Variants in XKR6 observed in about 807,000 individuals in gnomAD.
XKR6 encodes XK related 6.
XKR6 carries 22 observed loss-of-function variants against 56.7 expected under a neutral mutation model. The observed-to-expected ratio is 0.39, with a 90% CI of 0.28 to 0.55. The LOEUF is 0.55. Among genes scored for constraint, XKR6 ranks in the 20% least tolerant of loss-of-function variants. The probability of loss-of-function intolerance (pLI) is 0.66; values close to 1 mark genes in which losing one functional copy is unlikely to be tolerated. For missense variants in XKR6, 852 were observed against 889.0 expected (o/e 0.96, Z 0.53); for synonymous variants, 524 against 387.8 (o/e 1.35, Z -4.13).
At chr8:11,006,992 T>A (rs1471084175) in intron 1 of XKR6, among the ~76,000 whole-genome samples, 1 of 152,194 alleles carries the variant, frequency 6.6e-6, no homozygotes, top group East Asian at 1.9e-4. Context: ...GGGACAGACA[T>A]AAGACCAAAT....
intron 1 of XKR6, among the ~76,000 whole-genome samples, chr8:11,154,643 TCA>T (rs1315627324): frequency 2.0e-5 from 3 of 152,222 alleles, no homozygotes; most frequent in Non-Finnish European, 2.9e-5. Flanking sequence ...ACCTCACAAC[TCA>T]CAGTTTGGCT....
At chr8:10,972,271 G>A (rs1044049494) in intron 1 of XKR6, among the ~76,000 whole-genome samples, 1 of 152,204 alleles carries the variant, frequency 6.6e-6, no homozygotes, top group African/African-American at 2.4e-5. Flanking sequence ...GAAATTCGGG[G>A]TTTGATGTCA....
At chr8:11,100,181 T>C (rs1798418407) in intron 1 of XKR6, among the ~76,000 whole-genome samples, 1 of 152,140 alleles carries the variant, frequency 6.6e-6, no homozygotes, top group Non-Finnish European at 1.5e-5. Context: ...GCCTCCCAAG[T>C]AGCTGGGACT....
chr8:10,912,683 G>C lies in XKR6; in HGVS notation c.961+11951C>G, dbSNP rs1800434689. Among the ~76,000 whole-genome samples the C allele has an allele frequency of 2.3e-5, 3 of 130,400 alleles. No homozygotes were observed. In the South Asian group the frequency reaches 7.3e-4, roughly 32 times the overall value. 85.5% of individuals were successfully genotyped at this position (130,400 alleles called of 152,430 possible). ...GTGTGTCTATATATATAGAGAGGGT[G>C]AGTGTATATATATATATATATATAC... is the stretch of plus-strand genomic sequence containing the variant. On this transcript the variant is annotated intron_variant, in intron 2 of 2. Coordinates refer to ENST00000416569, the MANE Select transcript of XKR6 (RefSeq NM_173683.4).
intron 1 of XKR6, among the ~76,000 whole-genome samples, chr8:11,013,537 A>G (rs6990395): frequency 0.27 from 40,865 of 152,108 alleles, 6,278 homozygotes; most frequent in Middle Eastern, 0.38. Flanking sequence ...CTGTCTTTGT[A>G]CCAGCAATTT....
rs58774414 is a variant in XKR6, at chr8:10,984,732, C to CTATATATATATA, written c.765-59914_765-59903dup. On this transcript the variant is annotated intron_variant, in intron 1 of 2. Transcript: ENST00000416569. ...TCTCTCTCTCTCTCTCTCTCTCTCT[C>CTATATATATATA]TATATATATATATATATATATATAT... Among the ~76,000 whole-genome samples the CTATATATATATA allele has an allele frequency of 8.1e-3, 386 of 47,394 alleles. 14 individuals are homozygous for CTATATATATATA. Among genetic ancestry groups the CTATATATATATA allele is most frequent in the African/African-American group, 0.016 (178 of 11,064 alleles). 31.1% of individuals were successfully genotyped at this position (47,394 alleles called of 152,430 possible).
At chr8:11,195,339 A>G (rs1420705835) in intron 1 of XKR6, 3 of 593,074 alleles carry the variant, frequency 5.1e-6, no homozygotes, top group African/African-American at 1.9e-5. Context: ...TTTTTTTTCC[A>G]AATGGATAGT....
intron 1 of XKR6, among the ~76,000 whole-genome samples, chr8:11,099,402 C>T (rs1798383125): frequency 6.6e-6 from 1 of 152,216 alleles, no homozygotes; most frequent in South Asian, 2.1e-4. Flanking sequence ...AGTCAACCTC[C>T]AACTGGGGGA....
At chr8:10,948,173 C>T (rs1390027962) in intron 1 of XKR6, among the ~76,000 whole-genome samples, 4 of 152,172 alleles carry the variant, frequency 2.6e-5, no homozygotes, top group Admixed American at 6.5e-5. Context: ...ATCCCAGCTA[C>T]GGGTGAAGAG....
chr8:11,169,476 T>A (rs1049873642), intron 1 of XKR6, among the ~76,000 whole-genome samples: 1 of 152,192 alleles, frequency 6.6e-6, no homozygotes, highest in African/African-American at 2.4e-5. Context: ...AAAACTCTGA[T>A]ATATGTTAGA....
chr8:11,051,384 A>G (rs1015920004), intron 1 of XKR6, among the ~76,000 whole-genome samples: 1 of 152,084 alleles, frequency 6.6e-6, no homozygotes, highest in Admixed American at 6.5e-5. Flanking sequence ...TGACTCCCAA[A>G]GTGACATCTC....
At chr8:10,949,652 C>T (rs1801660034) in intron 1 of XKR6, among the ~76,000 whole-genome samples, 1 of 152,248 alleles carries the variant, frequency 6.6e-6, no homozygotes, top group African/African-American at 2.4e-5. Context: ...CTATTGTTAT[C>T]CCCATTTTAT....
At chr8:11,118,833 T>C (rs1799303757) in intron 1 of XKR6, among the ~76,000 whole-genome samples, 1 of 152,226 alleles carries the variant, frequency 6.6e-6, no homozygotes, top group Non-Finnish European at 1.5e-5. Context: ...ATCTTAGTTA[T>C]TTCTTGCCTT....
chr8:11,072,189 C>T (rs920428202), intron 1 of XKR6, among the ~76,000 whole-genome samples: 1 of 152,150 alleles, frequency 6.6e-6, no homozygotes, highest in African/African-American at 2.4e-5. Flanking sequence ...CACCCCCTCT[C>T]TGTTTTGATA....
chr8:11,160,735 C>T (rs1293368031), intron 1 of XKR6, among the ~76,000 whole-genome samples: 1 of 151,882 alleles, frequency 6.6e-6, no homozygotes, highest in Non-Finnish European at 1.5e-5. Flanking sequence ...GGCTGAAACC[C>T]CGTCTCTACT....
intron 1 of XKR6, among the ~76,000 whole-genome samples, chr8:11,092,454 C>G (rs1171147637): frequency 6.6e-6 from 1 of 152,174 alleles, no homozygotes; most frequent in Non-Finnish European, 1.5e-5. Context: ...ACCTGAGACT[C>G]CCCTCTAGGT....
At chr8:11,027,277 A>G (rs1317380893) in intron 1 of XKR6, among the ~76,000 whole-genome samples, 1 of 152,232 alleles carries the variant, frequency 6.6e-6, no homozygotes. Context: ...GCAGTCCACC[A>G]TTGACTGAAA....
At chr8:11,187,938 C>T (rs556682171) in intron 1 of XKR6, among the ~76,000 whole-genome samples, 222 of 152,294 alleles carry the variant, frequency 1.5e-3, no homozygotes, top group African/African-American at 5.2e-3. Flanking sequence ...AGAGTTAAGC[C>T]TCCCTGTATT....
intron 1 of XKR6, among the ~76,000 whole-genome samples, chr8:11,060,034 G>C (rs540403931): frequency 6.6e-6 from 1 of 152,140 alleles, no homozygotes; most frequent in East Asian, 1.9e-4. Context: ...TCATTCCAGG[G>C]AGTAATAATT....
Sources: allele counts gnomAD v4.1 joint callset (sites outside exome capture counted in the v4.1 genomes callset), GRCh38; gene constraint gnomAD v4.1.1; transcripts MANE v1.5; gene names NCBI Gene and HGNC (gene_info 2026-07-23, HGNC 2026-07-21).